Variants in FAT2 observed in about 807,000 individuals in gnomAD.
The protein encoded by FAT2 is FAT atypical cadherin 2.
FAT2 carries 150 observed loss-of-function variants against 295.3 expected under a neutral mutation model. That is an observed-to-expected ratio of 0.51 (90% CI 0.44 to 0.58). The LOEUF (loss-of-function observed/expected upper bound fraction) is 0.58. Among genes scored for constraint, FAT2 ranks in the 20% least tolerant of loss-of-function variants. FAT2 has a pLI of 0.00. For missense variants in FAT2, 4,868 were observed against 5,442.7 expected (o/e 0.89, Z 3.32); for synonymous variants, 2,026 against 2,150.3 (o/e 0.94, Z 1.60).
chr5:151,529,152 C>T, intron 15 of FAT2, 26 bp downstream of exon 15: 2 of 1,608,428 alleles, frequency 1.2e-6, no homozygotes, highest in South Asian at 2.2e-5. Flanking sequence ...TCTTGTCCCA[C>T]AAAGAGCAAG....
rs373212976 is a variant in FAT2, at chr5:151,583,188, G to C, written c.-21+7977C>G. 1.0e-3 allele frequency among the ~76,000 whole-genome samples: 158 copies of C among 152,258 alleles called. 1 individual carries two copies. The highest frequency in any genetic ancestry group is 3.7e-3 in the African/African-American group (153 of 41,536). ...TATATGCACACCTCATGACCCAGCG[G>C]TTCCACTCCTAGGTCAACATAAGTG... On this transcript the variant is annotated intron_variant, in intron 1 of 23. Transcript: ENST00000261800.
rs763007558 is a variant in FAT2, at chr5:151,506,109, C to T, written c.12518-12G>A. On this transcript the variant is annotated splice_polypyrimidine_tract_variant and intron_variant, in intron 23 of 23. Coordinates refer to ENST00000261800, the MANE Select transcript of FAT2 (RefSeq NM_001447.3). ...TCCGCCAGGGTACACTGAAAGGGAA[C>T]AGCAAGATAGGGTGAGCTCATTTTC... 18 of 1,502,088 alleles carry T rather than the reference C, an allele frequency of 1.2e-5. 1 individual carries two copies. The South Asian group carries it at 2.3e-4, about 19-fold the overall frequency. 93.0% of individuals were successfully genotyped at this position (1,502,088 alleles called of 1,614,324 possible).
Position 151,567,224 on chromosome 5 carries a change from T to C in FAT2, c.1708A>G (p.Thr570Ala). Residue 570 changes from threonine (T) to alanine (A), a missense_variant, in exon 2 of 24, where the codon ACA becomes GCA. Transcript: ENST00000261800. ...NQPMFEEVNC[T>A]GSIRQDWPVG... ...GGCCAGTCTTGGCGGATAGACCCTG[T>C]ACAGTTGACTTCTTCAAACATAGGC... The C allele has an allele frequency of 2.5e-6, 4 of 1,614,198 alleles. No individual in the cohort carries two copies. Among genetic ancestry groups the C allele is most frequent in the Non-Finnish European group, 3.4e-6 (4 of 1,180,032 alleles).
Position 151,542,936 on chromosome 5 carries a change from T to C in FAT2, c.8191A>G (p.Thr2731Ala). The change falls in exon 10 of 24, where the codon ACA (threonine) becomes GCA (alanine). Residue 2731 changes from threonine to alanine, a missense_variant. This residue lies in a region of FAT2 where 3,297 missense variants were observed against 3,669.4 expected (regional missense o/e 0.90). Coordinates refer to ENST00000261800, the MANE Select transcript of FAT2 (RefSeq NM_001447.3). ...PVIYSLVRGT[T>A]PESNKDGVFS... ...ACACCATCCTTGTTGCTCTCAGGTG[T>C]AGTGCCCCGCACTAGACTGTAGATG... 6.2e-7 allele frequency: 1 copy of C among 1,614,224 alleles called. No homozygotes were observed. Among genetic ancestry groups the C allele is most frequent in the Non-Finnish European group, 8.5e-7 (1 of 1,180,032 alleles).
intron 1 of FAT2, among the ~76,000 whole-genome samples, chr5:151,571,309 C>T (rs10060662): frequency 6.6e-6 from 1 of 151,746 alleles, no homozygotes; most frequent in Non-Finnish European, 1.5e-5. Context: ...AGTTGAAACC[C>T]CAAGGGAAAG....
Position 151,553,093 on chromosome 5 carries a change from CAGA to C in FAT2, c.4156+81_4156+83del, listed in dbSNP as rs1348051745. ...CGAGGAGCCCGACCTTGAGAAGAGT[CAGA>C]AGGACTGTAGCAGGAAAACTAGAGC... On this transcript the variant is annotated intron_variant, in intron 6 of 23. Transcript: ENST00000261800. The C allele has an allele frequency of 1.1e-5, 15 of 1,401,240 alleles. 1 individual carries two copies. In the African/African-American group the frequency reaches 1.6e-4, roughly 15 times the overall value. 86.8% of individuals were successfully genotyped at this position (1,401,240 alleles called of 1,614,324 possible).
Position 151,563,573 on chromosome 5 carries a change from G to A in FAT2, c.3326C>T (p.Ala1109Val), listed in dbSNP as rs2127642308. 1 of 1,614,162 alleles carries A rather than the reference G, an allele frequency of 6.2e-7. No homozygotes were observed. The change falls in exon 3 of 24, where the codon GCA (alanine) becomes GTA (valine). Residue 1109 changes from alanine to valine, a missense_variant. By Grantham distance (64) the Ala-to-Val change is moderately conservative. Transcript: ENST00000261800. ...FASYYWLTVL[A>V]VDRGSVPLSS... is the part of the protein sequence containing the mutation. ...GAGGGGCACAGAACCCCTGTCCACTGCTAATACCGTCAACCAGTAGTAAGA... is the reference window on the plus strand; with the variant it reads ...GAGGGGCACAGAACCCCTGTCCACTACTAATACCGTCAACCAGTAGTAAGA...
At position 151,528,107 on chromosome 5, in the gene FAT2, G is replaced by C. The variant is rs149321423; in HGVS notation, c.10053C>G (p.Pro3351=). ...GGCTATAGGTAATGTCACTATTTAG[G>C]GGTCCATCTTCATCAGTCGCTGATA... ...LTVSATDEDG[P]LNSDITYSLI... Residue 3351 remains proline, a synonymous_variant, in exon 16 of 24, where the codon CCC becomes CCG. Transcript: ENST00000261800. The C allele has an allele frequency of 1.1e-5, 18 of 1,614,094 alleles. No homozygotes were observed. Among genetic ancestry groups the C allele is most frequent in the Non-Finnish European group, 1.5e-5 (18 of 1,179,990 alleles).
At chr5:151,561,034 T>C (rs1275830692) in intron 3 of FAT2, among the ~76,000 whole-genome samples, 1 of 152,230 alleles carries the variant, frequency 6.6e-6, no homozygotes, top group African/African-American at 2.4e-5. Context: ...GGGACACAGA[T>C]GATTAATGGG....
chr5:151,528,658 G>A (rs1754276186), intron 15 of FAT2, among the ~76,000 whole-genome samples: 1 of 152,176 alleles, frequency 6.6e-6, no homozygotes, highest in South Asian at 2.1e-4. Flanking sequence ...AGCATAGGGT[G>A]CACCATAGCA....
At chr5:151,574,736 A>G (rs1166949444) in intron 1 of FAT2, among the ~76,000 whole-genome samples, 1 of 152,260 alleles carries the variant, frequency 6.6e-6, no homozygotes, top group African/African-American at 2.4e-5. Context: ...GAATTCACTG[A>G]GGGTAGAGAG....
intron 9 of FAT2, among the ~76,000 whole-genome samples, 183 bp from the exon 10 acceptor site, chr5:151,546,520 A>C (rs1176552903): frequency 2.6e-5 from 4 of 152,206 alleles, no homozygotes; most frequent in South Asian, 4.1e-4. Context: ...CATGGTGTGC[A>C]TAGTAGGTGC....
chr5:151,568,989 G>GA (rs878888516), intron 1 of FAT2, 38 bp from the exon 2 acceptor site: 45 of 1,518,002 alleles, frequency 3.0e-5, no homozygotes, highest in East Asian at 1.4e-4. Flanking sequence ...AAGTTAGGGG[G>GA]AAAAAATGGT....
rs539074989 is a variant in FAT2 at position 151,582,774 on chromosome 5, C to T, written c.-21+8391G>A. On this transcript the variant is annotated intron_variant, in intron 1 of 23. Coordinates refer to ENST00000261800, the MANE Select transcript of FAT2 (RefSeq NM_001447.3). ...ACTGTGTTAAAAATCGCAACCTCTT[C>T]CTCAAAAAGCCTGTTTCAGGAGGAC... Among the ~76,000 whole-genome samples the T allele has an allele frequency of 9.3e-4, 141 of 152,254 alleles. 2 individuals are homozygous for T. The highest frequency in any genetic ancestry group is 1.4e-3 in the Non-Finnish European group (92 of 68,016).
At position 151,568,759 on chromosome 5, in the gene FAT2, A is replaced by C. The variant is rs749188814; in HGVS notation, c.173T>G (p.Met58Arg). 1 of 1,614,094 alleles carries C rather than the reference A, an allele frequency of 6.2e-7. No homozygotes were observed. The highest frequency in any genetic ancestry group is 1.1e-5 in the South Asian group (1 of 91,082). ...PKTYVESFEKMGIYLAEPQWA... is the reference protein window; with the variant it reads ...PKTYVESFEKRGIYLAEPQWA... The stretch of plus-strand genomic sequence containing the variant: ...CTGTGGCTCCGCGAGGTAGATGCCC[A>C]TTTTCTCGAAGCTCTCCACATAGGT... The change falls in exon 2 of 24, where the codon ATG becomes AGG. Residue 58 changes from methionine to arginine, a missense_variant. This residue lies in a region of FAT2 where 3,297 missense variants were observed against 3,669.4 expected (regional missense o/e 0.90). Coordinates refer to ENST00000261800, the MANE Select transcript of FAT2 (RefSeq NM_001447.3).
At chr5:151,558,013 C>T (rs1024002959) in intron 3 of FAT2, among the ~76,000 whole-genome samples, 1 of 152,194 alleles carries the variant, frequency 6.6e-6, no homozygotes, top group Non-Finnish European at 1.5e-5. Flanking sequence ...TTTCTCCCAA[C>T]CTTATTTCAA....
At position 151,543,978 on chromosome 5, in the gene FAT2, T is replaced by C. The variant is rs1182967121; in HGVS notation, c.7149A>G (p.Gln2383=). The C allele has an allele frequency of 1.1e-5, 17 of 1,613,936 alleles. No homozygotes were observed. The highest frequency in any genetic ancestry group is 1.4e-5 in the Non-Finnish European group (16 of 1,180,004). Residue 2383 remains glutamine (Q), a synonymous_variant, in exon 10 of 24, where the codon CAA becomes CAG. Coordinates refer to ENST00000261800, the MANE Select transcript of FAT2 (RefSeq NM_001447.3). ...CCAGTTCACTGACATTGGCTTCATATTGAGGTTGTCTGAACTCTGGGGGGT... is the reference window on the plus strand; with the variant it reads ...CCAGTTCACTGACATTGGCTTCATACTGAGGTTGTCTGAACTCTGGGGGGT... ...NDNPPEFRQP[Q]YEANVSELAT... is the part of the protein sequence containing the mutation.
intron 1 of FAT2, among the ~76,000 whole-genome samples, chr5:151,571,505 G>C (rs60907456): frequency 1.4e-4 from 21 of 152,190 alleles, no homozygotes; most frequent in Admixed American, 2.6e-4. Flanking sequence ...TGCAATGCAG[G>C]CGCCGTTAAG....
intron 18 of FAT2, among the ~76,000 whole-genome samples, chr5:151,523,572 G>A (rs1011761368): frequency 2.6e-5 from 4 of 152,132 alleles, no homozygotes; most frequent in South Asian, 4.2e-4. Flanking sequence ...GTGGAAGTAC[G>A]GGACCAATGC....
Sources: allele counts gnomAD v4.1 joint callset (sites outside exome capture counted in the v4.1 genomes callset), GRCh38; gene constraint gnomAD v4.1.1; regional missense constraint gnomAD v4.1.1; transcripts MANE v1.5; gene names NCBI Gene and HGNC (gene_info 2026-07-23, HGNC 2026-07-21).